The following HVCN1 variants were observed in gnomAD, a reference collection of about 807,000 sequenced individuals.
HVCN1 encodes the protein voltage-gated hydrogen channel 1.
In HVCN1, 14 loss-of-function variants were observed where a neutral mutation model predicts 29.2. That is an observed-to-expected ratio of 0.48 (90% confidence interval 0.32 to 0.75). HVCN1 has a LOEUF of 0.75. Among genes scored for constraint, HVCN1 ranks in the 30% least tolerant of loss-of-function variants. The pLI is 0.04. For missense variants in HVCN1, 263 were observed against 341.8 expected, an observed-to-expected ratio of 0.77 and a Z score of 1.82; for synonymous variants, 131 against 133.2, an observed-to-expected ratio of 0.98 and a Z score of 0.11.
intron 2 of HVCN1, among the ~76,000 whole-genome samples, chr12:110,683,767 TG>T (rs1396905014): frequency 6.6e-6 from 1 of 151,722 alleles, no homozygotes; most frequent in African/African-American, 2.4e-5. Context: ...AAAAATTAGC[TG>T]GGCATGGTGG....
chr12:110,697,540 C>T (rs1030325636), intron 2 of HVCN1, among the ~76,000 whole-genome samples: 6 of 152,034 alleles, frequency 3.9e-5, no homozygotes, highest in African/African-American at 1.4e-4. Context: ...AATGGGAGGA[C>T]AGCTGGAGGG....
intron 3 of HVCN1, among the ~76,000 whole-genome samples, chr12:110,664,561 A>G (rs1228776673): frequency 6.6e-6 from 1 of 152,210 alleles, no homozygotes; most frequent in Non-Finnish European, 1.5e-5. Flanking sequence ...ACCAATTATA[A>G]AACTGGATAA....
In HVCN1 at chr12:110,701,848, C is replaced by T. The variant is rs567719992; in HGVS notation, c.-104+461G>A. Among the ~76,000 whole-genome samples the T allele has an allele frequency of 1.3e-3, 190 of 151,056 alleles. 2 individuals carry two copies. Among genetic ancestry groups the T allele is most frequent in the Non-Finnish European group, 2.4e-3 (161 of 67,854 alleles). On this transcript the variant is annotated intron_variant, in intron 2 of 4. Coordinates refer to the HVCN1 transcript ENST00000546713. Reference sequence around the variant, plus strand: ...CTCCAGCCTGGGCGACAGAATGAGACTCTGTCTCAAAAACAAAACAAAACA... The same window carrying T: ...CTCCAGCCTGGGCGACAGAATGAGATTCTGTCTCAAAAACAAAACAAAACA...
Position 110,661,115 on chromosome 12 carries a change from G to A in HVCN1, c.306+49C>T, listed in dbSNP as rs199662223. The stretch of plus-strand genomic sequence containing the variant: ...CCTGGCCGCCTGCCTCACATTCCCC[G>A]ATGGCTCTCCTGCCAGCTCTGGGTA... On this transcript the variant is annotated intron_variant, in intron 4 of 7. Transcript: ENST00000242607. The surrounding 1 kb of genome is among the most constrained non-coding windows in gnomAD (Gnocchi z 6.2). The A allele has an allele frequency of 6.8e-5, 104 of 1,534,470 alleles. No individual in the cohort carries two copies. Among genetic ancestry groups the A allele is most frequent in the Admixed American group, 3.9e-5 (2 of 51,432 alleles).
intron 3 of HVCN1, chr12:110,682,985 A>T (rs1477851845): frequency 2.1e-6 from 1 of 471,884 alleles, no homozygotes; most frequent in Non-Finnish European, 3.7e-6. Flanking sequence ...AAACAAAAAA[A>T]ACCGCACATA....
chr12:110,704,553 G>A (rs1168827211), intron 1 of HVCN1, among the ~76,000 whole-genome samples: 1 of 152,116 alleles, frequency 6.6e-6, no homozygotes, highest in African/African-American at 2.4e-5. Context: ...AGCTACTTGA[G>A]AGGCTGAGAC....
At position 110,650,188 on chromosome 12, in the gene HVCN1, C is replaced by G. The variant is rs554508796; in HGVS notation, c.736G>C (p.Glu246Gln). Residue 246 changes from glutamate to glutamine, a missense_variant, in exon 7 of 8, where the codon GAG becomes CAG. By Grantham distance (29) the Glu-to-Gln change is conservative. Around this residue, in one of 3 missense-constraint regions of HVCN1, gnomAD observed 51 missense variants for 51.1 expected, o/e 1.00. Transcript: ENST00000242607. ...CTTACCTTCTCAGAGCAGCTGAACT[C>G]AAGGTGTTGAATCTTGGCGGCCAAT... ...VQLAAKIQHL[E>Q]FSCSEKEQEI... 6.2e-7 allele frequency: 1 copy of G among 1,611,898 alleles called. No homozygotes were observed. Among genetic ancestry groups the G allele is most frequent in the Non-Finnish European group, 8.5e-7 (1 of 1,178,086 alleles).
chr12:110,681,788 C>T (rs2068985723), intron 3 of HVCN1, among the ~76,000 whole-genome samples: 1 of 152,146 alleles, frequency 6.6e-6, no homozygotes, highest in African/African-American at 2.4e-5. Flanking sequence ...TGGCTAGGCC[C>T]CCAGAACCTC....
chr12:110,700,754 G>A (rs1036664548), intron 2 of HVCN1, among the ~76,000 whole-genome samples: 5 of 152,084 alleles, frequency 3.3e-5, no homozygotes, highest in African/African-American at 4.8e-5. Flanking sequence ...CACCACACCC[G>A]GTCTACTTGG....
chr12:110,692,750 CA>C (rs1418552333), upstream of HVCN1, among the ~76,000 whole-genome samples: 1 of 151,884 alleles, frequency 6.6e-6, no homozygotes, highest in Non-Finnish European at 1.5e-5. Context: ...AAAACAAAAA[CA>C]AAACAACTTA....
chr12:110,666,567 T>C (rs1002992934), intron 3 of HVCN1, among the ~76,000 whole-genome samples: 2 of 152,138 alleles, frequency 1.3e-5, no homozygotes, highest in African/African-American at 4.8e-5. Flanking sequence ...TAGTTTAACA[T>C]GTGTACTTGT....
chr12:110,684,513 G>A (rs2069107495), intron 2 of HVCN1, among the ~76,000 whole-genome samples: 1 of 152,210 alleles, frequency 6.6e-6, no homozygotes, highest in African/African-American at 2.4e-5. Context: ...GACGTGGAAA[G>A]ACGCCAGCCA....
At chr12:110,652,381 CTG>C (rs1469562258) in intron 5 of HVCN1, among the ~76,000 whole-genome samples, 1 of 149,902 alleles carries the variant, frequency 6.7e-6, no homozygotes, top group Admixed American at 6.7e-5. Flanking sequence ...ACAAGTGAGA[CTG>C]TCTCAAAAAA....
At chr12:110,670,835 G>T (rs2068551231) in intron 3 of HVCN1, among the ~76,000 whole-genome samples, 3 of 152,120 alleles carry the variant, frequency 2.0e-5, no homozygotes, top group African/African-American at 7.2e-5. Context: ...AACTAAAGAT[G>T]ATAAGATGAA....
At chr12:110,670,899 A>G (rs1048513291) in intron 3 of HVCN1, among the ~76,000 whole-genome samples, 2 of 152,262 alleles carry the variant, frequency 1.3e-5, no homozygotes, top group Admixed American at 1.3e-4. Flanking sequence ...TCCTTACAAA[A>G]AGAGAAAAGG....
chr12:110,683,717 C>G (rs2136445623), intron 2 of HVCN1, among the ~76,000 whole-genome samples: 1 of 152,140 alleles, frequency 6.6e-6, no homozygotes, highest in African/African-American at 2.4e-5. Flanking sequence ...TTGAGACCAG[C>G]CTGGCCAACA....
At chr12:110,690,186 T>C (rs961617980), upstream of HVCN1, among the ~76,000 whole-genome samples, 4 of 152,186 alleles carry the variant, frequency 2.6e-5, no homozygotes, top group Non-Finnish European at 4.4e-5. Context: ...CTGTGATCCT[T>C]GGCTGTCTCA....
At chr12:110,671,716 G>C (rs1383646782) in intron 3 of HVCN1, among the ~76,000 whole-genome samples, 1 of 152,156 alleles carries the variant, frequency 6.6e-6, no homozygotes, top group Non-Finnish European at 1.5e-5. Context: ...ACTTCTTCAG[G>C]GCCCAAAACC....
upstream of HVCN1, among the ~76,000 whole-genome samples, chr12:110,690,121 C>T (rs555558602): frequency 6.6e-6 from 1 of 152,182 alleles, no homozygotes; most frequent in African/African-American, 2.4e-5. Flanking sequence ...TGGGGCTGTG[C>T]CTTCTGGAGG....
Sources: allele counts gnomAD v4.1 joint callset (sites outside exome capture counted in the v4.1 genomes callset), GRCh38; gene constraint gnomAD v4.1.1; regional missense constraint gnomAD v4.1.1; non-coding constraint Gnocchi (gnomAD v3.1); transcripts MANE v1.5; gene names NCBI Gene and HGNC (gene_info 2026-07-23, HGNC 2026-07-21).